MYO1F: variants seen among roughly 807,000 people sequenced by gnomAD.
MYO1F encodes the protein unconventional myosin-If.
Under a neutral mutation model 146.6 loss-of-function variants are expected in MYO1F, and 60 were observed. That is an observed-to-expected ratio of 0.41 (90% confidence interval 0.33 to 0.51). The LOEUF (loss-of-function observed/expected upper bound fraction) is 0.51. MYO1F is among the 20% of genes least tolerant of loss of function. MYO1F has a pLI of 0.25. For synonymous variants in MYO1F, 602 were observed against 602.1 expected, an observed-to-expected ratio of 1.00 and a Z score of 0.00; for missense variants, 1,274 against 1,534.3, an observed-to-expected ratio of 0.83 and a Z score of 2.83.
chr19:8,542,116 G>T (rs1973001302), intron 14 of MYO1F, 125 bp from the exon 15 acceptor site: 2 of 749,294 alleles, frequency 2.7e-6, no homozygotes, highest in Non-Finnish European at 4.7e-6. Context: ...AGAGGATCAG[G>T]CAGTGTCTAC....
chr19:8,550,874 G>A lies in MYO1F; in HGVS notation c.772-180C>T, dbSNP rs536005354. 3.9e-5 allele frequency among the ~76,000 whole-genome samples: 6 copies of A among 152,100 alleles called. No individual in the cohort carries two copies. In the South Asian group the frequency reaches 8.3e-4, roughly 21 times the overall value. ...AAGTGCCTGCACCTCTCTGGGCTTT[G>A]TTTTTTATTATATTTTTTATTTTTG... is the stretch of plus-strand genomic sequence containing the variant. On this transcript the variant is annotated intron_variant, in intron 8 of 27. Coordinates refer to ENST00000644032, the MANE Select transcript of MYO1F (RefSeq NM_012335.4).
intron 19 of MYO1F, among the ~76,000 whole-genome samples, chr19:8,534,950 T>A (rs998530944): frequency 6.6e-6 from 1 of 151,658 alleles, no homozygotes. Context: ...AAATTACTGT[T>A]GCCCAGGCTT....
intron 13 of MYO1F, among the ~76,000 whole-genome samples, chr19:8,545,291 A>G (rs1402800254): frequency 6.9e-6 from 1 of 144,730 alleles, no homozygotes; most frequent in African/African-American, 2.6e-5. Flanking sequence ...TTTTCACCAT[A>G]TTGGTCAGGC....
chr19:8,533,450 G>C (rs1437986233), intron 19 of MYO1F, among the ~76,000 whole-genome samples: 1 of 151,690 alleles, frequency 6.6e-6, no homozygotes, highest in Non-Finnish European at 1.5e-5. Context: ...CGTCTCCTGG[G>C]TTCACGCCAT....
chr19:8,561,378 C>CT (rs1414620010), intron 1 of MYO1F, among the ~76,000 whole-genome samples: 1 of 129,284 alleles, frequency 7.7e-6, no homozygotes, highest in Non-Finnish European at 1.7e-5. Flanking sequence ...CCCTCCCTCC[C>CT]TTCCCCCCTT....
chr19:8,526,384 T>C, intron 24 of MYO1F, 69 bp downstream of exon 24: 1 of 1,536,252 alleles, frequency 6.5e-7, no homozygotes, highest in Non-Finnish European at 8.8e-7. Context: ...CTCCCCTTCC[T>C]GGCCTTCGTC....
intron 16 of MYO1F, among the ~76,000 whole-genome samples, chr19:8,538,827 C>T (rs1341711421): frequency 2.0e-5 from 3 of 151,996 alleles, no homozygotes; most frequent in African/African-American, 7.3e-5. Flanking sequence ...ACATTCATAG[C>T]AACAGAATGG....
At chr19:8,525,248 A>C in intron 25 of MYO1F, 1 of 334,854 alleles carries the variant, frequency 3.0e-6, no homozygotes. Context: ...GCAGGAGTGT[A>C]GGGTAGGAGG....
chr19:8,548,001 CAGGA>C, intron 12 of MYO1F, 31 bp downstream of exon 12: 44 of 1,305,128 alleles, frequency 3.4e-5, no homozygotes, highest in Non-Finnish European at 4.6e-5. Flanking sequence ...ACCCCCACCC[CAGGA>C]TCCCCCATCC....
intron 1 of MYO1F, among the ~76,000 whole-genome samples, chr19:8,561,363 TC>T (rs1974095558): frequency 2.3e-5 from 1 of 42,656 alleles, no homozygotes; most frequent in Non-Finnish European, 5.3e-5. Flanking sequence ...CCTCCCTCCC[TC>T]CCTCCCTCCC....
At chr19:8,541,692 G>C (rs1397384600) in intron 15 of MYO1F, 3 of 585,142 alleles carry the variant, frequency 5.1e-6, no homozygotes, top group Non-Finnish European at 9.3e-6. Context: ...GCCTCCCAAA[G>C]TGCTGGGATT....
At position 8,548,141 on chromosome 19, in the gene MYO1F, G is replaced by T; in HGVS notation, c.1183-19C>A. On this transcript the variant is annotated intron_variant, in intron 11 of 27. Coordinates refer to ENST00000644032, the MANE Select transcript of MYO1F (RefSeq NM_012335.4). The stretch of plus-strand genomic sequence containing the variant: ...CATTTTTCTGCAGAAGGAGGAAAAG[G>T]GTCCTTCCCTCAATGTCCTGGTGCT... The T allele has an allele frequency of 6.2e-7, 1 of 1,612,832 alleles. No homozygotes were observed. The highest frequency in any genetic ancestry group is 8.5e-7 in the Non-Finnish European group (1 of 1,178,892).
chr19:8,555,279 A>AGAATCATTT (rs1973795947), intron 2 of MYO1F: 1 of 272,428 alleles, frequency 3.7e-6, no homozygotes, highest in Admixed American at 5.1e-5. Context: ...CTGAGGCAGG[A>AGAATCATTT]GAATCATTTG....
At chr19:8,555,314 G>A (rs1253941241) in intron 2 of MYO1F, 1 of 278,394 alleles carries the variant, frequency 3.6e-6, no homozygotes, top group Non-Finnish European at 6.8e-6. Context: ...AGGTTGCAGT[G>A]AGCTGAGATT....
At chr19:8,545,988 C>T (rs868519809) in intron 12 of MYO1F, among the ~76,000 whole-genome samples, 5 of 151,750 alleles carry the variant, frequency 3.3e-5, no homozygotes, top group African/African-American at 1.2e-4. Flanking sequence ...GAAGCCTCCT[C>T]GAGTCCCAGT....
chr19:8,547,225 C>T (rs1973398430), intron 12 of MYO1F, among the ~76,000 whole-genome samples: 3 of 146,474 alleles, frequency 2.0e-5, no homozygotes, highest in Non-Finnish European at 4.5e-5. Context: ...TGCTTGAGCC[C>T]AGGAGGTGTA....
In MYO1F at chr19:8,526,950, G is replaced by A. The variant is rs1972297499; in HGVS notation, c.2475-15C>T. On this transcript the variant is annotated splice_polypyrimidine_tract_variant and intron_variant, in intron 22 of 27. Coordinates refer to ENST00000644032, the MANE Select transcript of MYO1F (RefSeq NM_012335.4). ...CCTGTCGCGTGCTGGGGAGGGGCGG[G>A]TGAGAGCGTCAGGTGGGACACAGGT... 1 of 1,613,414 alleles carries A rather than the reference G, an allele frequency of 6.2e-7. No individual in the cohort carries two copies. Among genetic ancestry groups the A allele is most frequent in the Non-Finnish European group, 8.5e-7 (1 of 1,179,992 alleles).
intron 13 of MYO1F, among the ~76,000 whole-genome samples, chr19:8,544,762 G>T (rs561181492): frequency 9.2e-5 from 14 of 152,034 alleles, no homozygotes; most frequent in South Asian, 4.2e-4. Context: ...CTTGGTAGGG[G>T]GACCTGCCTT....
At chr19:8,557,040 C>G (rs1973891390) in intron 1 of MYO1F, among the ~76,000 whole-genome samples, 1 of 152,058 alleles carries the variant, frequency 6.6e-6, no homozygotes, top group Non-Finnish European at 1.5e-5. Context: ...AATCCCAGCA[C>G]TTTGGGAGGC....
Sources: allele counts gnomAD v4.1 joint callset (sites outside exome capture counted in the v4.1 genomes callset), GRCh38; gene constraint gnomAD v4.1.1; transcripts MANE v1.5; gene names NCBI Gene and HGNC (gene_info 2026-07-23, HGNC 2026-07-21).